CHKA: variants seen among roughly 807,000 people sequenced by gnomAD.
CHKA encodes choline kinase alpha.
Under a neutral mutation model 60.1 loss-of-function variants are expected in CHKA, and 34 were observed. The observed-to-expected ratio is 0.57, with a 90% CI of 0.43 to 0.75. The LOEUF (loss-of-function observed/expected upper bound fraction) is 0.75. Among genes scored for constraint, CHKA ranks in the 30% least tolerant of loss-of-function variants. The pLI, the probability that CHKA is intolerant of heterozygous loss-of-function variation, is 0.00. For synonymous variants in CHKA, 217 were observed against 223.1 expected (o/e 0.97, Z 0.24); for missense variants, 563 against 561.3 (o/e 1.00, Z -0.03).
intron 1 of CHKA, among the ~76,000 whole-genome samples, chr11:68,098,612 T>C (rs1405085977): frequency 6.6e-6 from 1 of 152,202 alleles, no homozygotes; most frequent in Non-Finnish European, 1.5e-5. Flanking sequence ...ATGTACTTAA[T>C]GCCACTAAAC....
intron 2 of CHKA, among the ~76,000 whole-genome samples, chr11:68,085,404 A>G (rs1456727062): frequency 6.6e-6 from 1 of 151,088 alleles, no homozygotes; most frequent in Non-Finnish European, 1.5e-5. Context: ...TTTTTCTTGT[A>G]GAGACAAGAT....
In CHKA at chr11:68,077,963, T is replaced by C. The variant is rs534416181; in HGVS notation, c.517-3133A>G. 5.3e-5 allele frequency among the ~76,000 whole-genome samples: 8 copies of C among 152,206 alleles called. No individual in the cohort carries two copies. The East Asian group carries it at 1.2e-3, about 22-fold the overall frequency. ...GGAAAAGGAAGAGCAGAGCATGAGA[T>C]TGCCGGGTGGACTGGGGCTTACAGA... On this transcript the variant is annotated intron_variant, in intron 3 of 11. Coordinates refer to ENST00000265689, the MANE Select transcript of CHKA (RefSeq NM_001277.3).
chr11:68,084,946 G>C (rs969330423), intron 2 of CHKA, among the ~76,000 whole-genome samples: 1 of 152,072 alleles, frequency 6.6e-6, no homozygotes, highest in Non-Finnish European at 1.5e-5. Flanking sequence ...TAAGAAATCA[G>C]AATGTCTCAA....
At position 68,120,834 on chromosome 11, in the gene CHKA, A is replaced by G; in HGVS notation, c.344T>C (p.Val115Ala). The change falls in exon 1 of 12, where the codon GTC becomes GCC. Residue 115 changes from valine (V) to alanine (A), a missense_variant. Val to Ala is a moderately conservative substitution (Grantham distance 64). Transcript: ENST00000265689. ...GLREDEFHIS[V>A]IRGGLSNMLF... The stretch of plus-strand genomic sequence containing the variant: ...CAGACCCGGCGCCACCGACCTGATG[A>G]CACTGATGTGGAACTCGTCCTCGCG... 1 of 1,301,106 alleles carries G rather than the reference A, an allele frequency of 7.7e-7. No homozygotes were observed. The highest frequency in any genetic ancestry group is 1.6e-5 in the South Asian group (1 of 63,294). The allele number at this position is 1,301,106 out of a possible 1,614,324, so 80.6% of individuals were successfully genotyped here.
chr11:68,113,108 A>AAAAAAT (rs1590885968), intron 1 of CHKA, among the ~76,000 whole-genome samples: 1 of 146,298 alleles, frequency 6.8e-6, no homozygotes, highest in East Asian at 2.0e-4. Flanking sequence ...AAAAAAAAAA[A>AAAAAAT]AAGAAGCTGT....
In CHKA at chr11:68,097,695, A is replaced by G. The variant is rs189070842; in HGVS notation, c.351-565T>C. ...TAAACCTTCTTCTCTAGGGCTTTCCATTTGATATGTATTAATAGTTCCAAG... is the reference window on the plus strand; with the variant it reads ...TAAACCTTCTTCTCTAGGGCTTTCCGTTTGATATGTATTAATAGTTCCAAG... On this transcript the variant is annotated intron_variant, in intron 1 of 11. Coordinates refer to ENST00000265689, the MANE Select transcript of CHKA (RefSeq NM_001277.3). 9.8e-4 allele frequency among the ~76,000 whole-genome samples: 149 copies of G among 151,618 alleles called. 1 individual carries two copies. Among genetic ancestry groups the G allele is most frequent in the Non-Finnish European group, 1.7e-3 (114 of 67,944 alleles).
intron 1 of CHKA, among the ~76,000 whole-genome samples, chr11:68,115,512 T>C (rs1858350730): frequency 6.6e-6 from 1 of 152,138 alleles, no homozygotes; most frequent in Admixed American, 6.6e-5. Context: ...ATGGGAACTC[T>C]CTGTACTATC....
chr11:68,085,762 T>TTGTTTTG (rs1857158458), intron 2 of CHKA, among the ~76,000 whole-genome samples: 1 of 151,964 alleles, frequency 6.6e-6, no homozygotes, highest in Non-Finnish European at 1.5e-5. Flanking sequence ...GTTTTTTTGT[T>TTGTTTTG]TGTTTTGTTT....
intron 11 of CHKA, among the ~76,000 whole-genome samples, chr11:68,060,451 C>T (rs1856192915): frequency 6.6e-6 from 1 of 152,204 alleles, no homozygotes; most frequent in Non-Finnish European, 1.5e-5. Context: ...CCTGGGATTA[C>T]AGGCATGTGC....
chr11:68,117,894 G>A (rs1858452015), intron 1 of CHKA, among the ~76,000 whole-genome samples: 2 of 152,152 alleles, frequency 1.3e-5, no homozygotes, highest in Admixed American at 1.3e-4. Context: ...AGAAGGTGGG[G>A]ATACAAAAGT....
At chr11:68,084,437 CGTAT>C (rs1857113449) in intron 2 of CHKA, among the ~76,000 whole-genome samples, 1 of 116,170 alleles carries the variant, frequency 8.6e-6, no homozygotes, top group Non-Finnish European at 1.8e-5. Context: ...CATATATATA[CGTAT>C]ATATATGTGT....
chr11:68,075,467 C>T (rs1043065335), intron 3 of CHKA, among the ~76,000 whole-genome samples: 2 of 152,000 alleles, frequency 1.3e-5, no homozygotes, highest in African/African-American at 2.4e-5. Context: ...GTTCTATCTT[C>T]GTCCTAATAA....
intron 10 of CHKA, among the ~76,000 whole-genome samples, chr11:68,063,448 G>A (rs1239900419): frequency 2.0e-5 from 3 of 151,288 alleles, no homozygotes; most frequent in Non-Finnish European, 4.4e-5. Flanking sequence ...AGCCATGATC[G>A]CATAGCTGCA....
At position 68,106,733 on chromosome 11, in the gene CHKA, T is replaced by C. The variant is rs141617136; in HGVS notation, c.351-9603A>G. ...GAGCTGTTCACTTATCAGCACCAATTGCAAAGCAAAGGTTAATGTTTAAGA... is the reference window on the plus strand; with the variant it reads ...GAGCTGTTCACTTATCAGCACCAATCGCAAAGCAAAGGTTAATGTTTAAGA... On this transcript the variant is annotated intron_variant, in intron 1 of 11. Coordinates refer to ENST00000265689, the MANE Select transcript of CHKA (RefSeq NM_001277.3). Among the ~76,000 whole-genome samples, 363 of 152,266 alleles carry C rather than the reference T, an allele frequency of 2.4e-3. 1 individual carries two copies. The highest frequency in any genetic ancestry group is 8.4e-3 in the African/African-American group (351 of 41,544).
chr11:68,116,279 TAAC>T (rs1858379412), intron 1 of CHKA, among the ~76,000 whole-genome samples: 3 of 152,126 alleles, frequency 2.0e-5, no homozygotes. Context: ...GCAATGAAAA[TAAC>T]AAACTCTAAG....
intron 1 of CHKA, among the ~76,000 whole-genome samples, 193 bp from the exon 2 acceptor site, chr11:68,097,323 T>G (rs1310162250): frequency 6.6e-6 from 1 of 152,036 alleles, no homozygotes. Context: ...GCAGTAGAGG[T>G]GGGGAAGCGT....
Position 68,081,291 on chromosome 11 carries a change from T to C in CHKA, c.516+113A>G, listed in dbSNP as rs1004085618. On this transcript the variant is annotated intron_variant, in intron 3 of 11. Transcript: ENST00000265689. ...CCAAGAGCCCCTCCTCGTAGAAAGA[T>C]AGATCAGGATTTTCCAAGGGTAGAT... 8 of 779,022 alleles carry C rather than the reference T, an allele frequency of 1.0e-5. No homozygotes were observed. The East Asian group carries it at 1.3e-4, about 13-fold the overall frequency. 48.3% of individuals were successfully genotyped at this position (779,022 alleles called of 1,614,324 possible).
chr11:68,074,604 T>C (rs372116709), intron 4 of CHKA, 113 bp downstream of exon 4: 61 of 852,654 alleles, frequency 7.2e-5, no homozygotes, highest in African/African-American at 3.1e-4. Context: ...TTTAATGACA[T>C]AGGTGAGGTT....
chr11:68,063,532 C>A (rs1856327744), intron 10 of CHKA, among the ~76,000 whole-genome samples: 1 of 152,024 alleles, frequency 6.6e-6, no homozygotes, highest in African/African-American at 2.4e-5. Context: ...GTGGCAGCAG[C>A]CCTGTATGGC....
Sources: gnomAD v4.1 joint callset for allele counts (sites outside exome capture counted in the v4.1 genomes callset) on GRCh38, gnomAD v4.1.1 for gene constraint, MANE v1.5 for transcripts, NCBI Gene and HGNC (gene_info 2026-07-23, HGNC 2026-07-21) for gene names.